Variants in AFG1L observed in about 807,000 individuals in gnomAD.
AFG1L encodes AFG1-like ATPase.
In AFG1L, 53 loss-of-function variants were observed where a neutral mutation model predicts 62.2. The observed-to-expected ratio is 0.85, with a 90% CI of 0.68 to 1.07. The LOEUF (loss-of-function observed/expected upper bound fraction) is 1.07. AFG1L is among the 50% of genes least tolerant of loss of function. The pLI, the probability that AFG1L is intolerant of heterozygous loss-of-function variation, is 0.00. For synonymous variants in AFG1L, 228 were observed against 210.3 expected (o/e 1.08, Z -0.73); for missense variants, 555 against 590.5 (o/e 0.94, Z 0.62).
chr6:108,385,993 G>A (rs952479277), intron 6 of AFG1L, among the ~76,000 whole-genome samples: 3 of 152,140 alleles, frequency 2.0e-5, no homozygotes, highest in Admixed American at 6.6e-5. Context: ...CATGCCTGCA[G>A]TGGGAGCTTC....
chr6:108,424,037 T>G (rs958278228), intron 7 of AFG1L, among the ~76,000 whole-genome samples: 6 of 152,118 alleles, frequency 3.9e-5, no homozygotes, highest in Non-Finnish European at 5.9e-5. Context: ...CATGTATGTG[T>G]GTGTGTTAGT....
intron 6 of AFG1L, among the ~76,000 whole-genome samples, chr6:108,400,678 ATATT>A (rs1781534932): frequency 1.0e-5 from 1 of 97,316 alleles, no homozygotes; most frequent in Admixed American, 1.4e-4. Context: ...TATATATTAT[ATATT>A]ATATAATTAT....
chr6:108,427,492 T>C (rs77149299), intron 7 of AFG1L, among the ~76,000 whole-genome samples: 1 of 151,564 alleles, frequency 6.6e-6, no homozygotes, highest in Non-Finnish European at 1.5e-5. Context: ...CCAATATTTC[T>C]GTAGGTTAGA....
chr6:108,436,769 C>G (rs1771330406), intron 7 of AFG1L, among the ~76,000 whole-genome samples: 1 of 152,194 alleles, frequency 6.6e-6, no homozygotes, highest in Admixed American at 6.5e-5. Flanking sequence ...CTTAGCCTCT[C>G]TGTGCTTTAG....
Position 108,476,939 on chromosome 6 carries a change from C to T in AFG1L, c.961+4C>T, listed in dbSNP as rs375611101. On this transcript the variant is annotated splice_donor_region_variant and intron_variant, in intron 9 of 12. Coordinates refer to ENST00000368977, the MANE Select transcript of AFG1L (RefSeq NM_145315.5). ...CTGGCTCAGAAACAAAATGATTGTA[C>T]GTAAGTTAATTTCTCTTGAAAGAGA... 26 of 1,611,356 alleles carry T rather than the reference C, an allele frequency of 1.6e-5. No homozygotes were observed. The highest frequency in any genetic ancestry group is 3.3e-5 in the Admixed American group (2 of 59,986).
chr6:108,438,146 A>G (rs530138513), intron 7 of AFG1L, among the ~76,000 whole-genome samples: 22 of 152,204 alleles, frequency 1.4e-4, no homozygotes, highest in African/African-American at 5.3e-4. Context: ...GCCTTTCTGT[A>G]TGCTTATTAC....
chr6:108,323,874 G>A lies in AFG1L; in HGVS notation c.189G>A (p.Glu63=). The A allele has an allele frequency of 1.2e-6, 2 of 1,614,144 alleles. No individual in the cohort carries two copies. The highest frequency in any genetic ancestry group is 1.7e-6 in the Non-Finnish European group (2 of 1,180,026). Reference sequence around the variant, plus strand: ...GCATGACCCCAACTGCCACTTCAGAGACTTATTTGAAAGCTTTGGCCGTTT... The same window carrying A: ...GCATGACCCCAACTGCCACTTCAGAAACTTATTTGAAAGCTTTGGCCGTTT... ...SESMTPTATS[E]TYLKALAVCH... is the part of the protein sequence containing the mutation. Residue 63 remains glutamate (E), a synonymous_variant, in exon 2 of 13, where the codon GAG becomes GAA. Coordinates refer to ENST00000368977, the MANE Select transcript of AFG1L (RefSeq NM_145315.5).
intron 1 of AFG1L, among the ~76,000 whole-genome samples, chr6:108,299,598 A>G (rs552219531): frequency 1.1e-4 from 17 of 152,250 alleles, no homozygotes; most frequent in African/African-American, 4.1e-4. Flanking sequence ...GAAAGAAAAT[A>G]TGAGGTATTG....
chr6:108,319,021 T>C (rs1777711637), intron 1 of AFG1L, among the ~76,000 whole-genome samples: 1 of 152,228 alleles, frequency 6.6e-6, no homozygotes, highest in Non-Finnish European at 1.5e-5. Context: ...TTTTTATCTC[T>C]GCTGACTAGC....
intron 7 of AFG1L, among the ~76,000 whole-genome samples, chr6:108,444,094 A>ATCTG (rs1423103239): frequency 6.6e-6 from 1 of 151,146 alleles, no homozygotes; most frequent in African/African-American, 2.4e-5. Context: ...CTATCTATCT[A>ATCTG]TCTATCTATA....
intron 6 of AFG1L, among the ~76,000 whole-genome samples, chr6:108,400,573 AT>A (rs1331742452): frequency 7.3e-6 from 1 of 137,512 alleles, no homozygotes. Flanking sequence ...ATAAATATAT[AT>A]TTATTATTAT....
chr6:108,473,523 C>T (rs966983822), intron 8 of AFG1L, among the ~76,000 whole-genome samples: 5 of 152,132 alleles, frequency 3.3e-5, no homozygotes, highest in Non-Finnish European at 5.9e-5. Flanking sequence ...GCTCTCTTTT[C>T]GCTATGTTCC....
intron 8 of AFG1L, among the ~76,000 whole-genome samples, chr6:108,473,051 C>T (rs1772968363): frequency 6.6e-6 from 1 of 152,126 alleles, no homozygotes; most frequent in Non-Finnish European, 1.5e-5. Flanking sequence ...ATCTGACCAC[C>T]TCGGCTTCCC....
chr6:108,519,814 G>A lies in AFG1L; in HGVS notation c.1317+4G>A, dbSNP rs2114918747. On this transcript the variant is annotated splice_donor_region_variant and intron_variant, in intron 12 of 12. Transcript: ENST00000368977. ...GGATGATTTGGGGCTGAGCCAGGTA[G>A]GCGATATTAACATAATCTCTTTTTA... 2 of 1,563,644 alleles carry A rather than the reference G, an allele frequency of 1.3e-6. No homozygotes were observed. Among genetic ancestry groups the A allele is most frequent in the African/African-American group, 1.4e-5 (1 of 73,468 alleles).
At chr6:108,379,000 CTTTTT>C (rs931030207) in intron 6 of AFG1L, among the ~76,000 whole-genome samples, 1 of 123,064 alleles carries the variant, frequency 8.1e-6, no homozygotes, top group Non-Finnish European at 1.7e-5. Context: ...TCTCCTTCTT[CTTTTT>C]TTTTTTTTTT....
At chr6:108,340,102 G>C (rs1778625702) in intron 2 of AFG1L, among the ~76,000 whole-genome samples, 1 of 151,264 alleles carries the variant, frequency 6.6e-6, no homozygotes, top group South Asian at 2.1e-4. Context: ...ATGTTCATGA[G>C]TTCAATTGCT....
At chr6:108,480,322 TAGGCACTA>T (rs1773277301) in intron 10 of AFG1L, among the ~76,000 whole-genome samples, 1 of 152,180 alleles carries the variant, frequency 6.6e-6, no homozygotes, top group South Asian at 2.1e-4. Flanking sequence ...TTACAATAGG[TAGGCACTA>T]ATATTGTCCC....
At chr6:108,402,111 G>T (rs1781647696) in intron 7 of AFG1L, 57 bp downstream of exon 7, 1 of 825,328 alleles carries the variant, frequency 1.2e-6, no homozygotes, top group Non-Finnish European at 1.9e-6. Flanking sequence ...ATAATCAAGG[G>T]CTTTAGTAGG....
At chr6:108,433,483 C>T (rs1771171654) in intron 7 of AFG1L, among the ~76,000 whole-genome samples, 1 of 151,938 alleles carries the variant, frequency 6.6e-6, no homozygotes, top group Non-Finnish European at 1.5e-5. Flanking sequence ...CGGGATTTCA[C>T]TATGTGTTGG....
Sources: gnomAD v4.1 joint callset for allele counts (sites outside exome capture counted in the v4.1 genomes callset) on GRCh38, gnomAD v4.1.1 for gene constraint, MANE v1.5 for transcripts, NCBI Gene and HGNC (gene_info 2026-07-23, HGNC 2026-07-21) for gene names.